The following WDFY3 variants were observed in gnomAD, a reference collection of about 807,000 sequenced individuals.
WDFY3 encodes WD repeat and FYVE domain containing 3, also known as WD repeat and FYVE domain-containing protein 3.
Under a neutral mutation model 409.6 loss-of-function variants are expected in WDFY3, and 66 were observed. That is an observed-to-expected ratio of 0.16 (90% confidence interval 0.13 to 0.20). WDFY3 has a LOEUF of 0.20. Ranked by LOEUF, WDFY3 falls within the 10% of genes least tolerant of loss-of-function variation. WDFY3 has a pLI of 1.00. For synonymous variants in WDFY3, 1,521 were observed against 1,537.1 expected, an observed-to-expected ratio of 0.99 and a Z score of 0.25; for missense variants, 3,031 against 4,298.1, an observed-to-expected ratio of 0.71 and a Z score of 8.24.
intron 14 of WDFY3, chr4:84,809,562 C>A: frequency 4.6e-6 from 1 of 218,116 alleles, no homozygotes; most frequent in Non-Finnish European, 9.0e-6. Context: ...TCAATAAGTC[C>A]AGATGCACCT....
At chr4:84,924,956 GAAAAACCTCATACCTACA>G (rs1479661191) in intron 2 of WDFY3, among the ~76,000 whole-genome samples, 1 of 152,116 alleles carries the variant, frequency 6.6e-6, no homozygotes, top group African/African-American at 2.4e-5. Flanking sequence ...ATACTTCCAT[GAAAAACCTCATACCTACA>G]AAAGGTTTAA....
chr4:84,801,953 T>G, intron 16 of WDFY3, 89 bp from the exon 17 acceptor site: 1 of 1,314,678 alleles, frequency 7.6e-7, no homozygotes, highest in Non-Finnish European at 1.0e-6. Flanking sequence ...CTTTTTAATT[T>G]TTTTTTTTTT....
chr4:84,818,713 ATTAT>A (rs1560838700), intron 12 of WDFY3, among the ~76,000 whole-genome samples: 1 of 152,150 alleles, frequency 6.6e-6, no homozygotes, highest in Non-Finnish European at 1.5e-5. Context: ...AATGGCTAAT[ATTAT>A]TTAAATACTT....
intron 48 of WDFY3, 103 bp from the exon 49 acceptor site, chr4:84,717,119 A>C: frequency 8.1e-7 from 1 of 1,228,644 alleles, no homozygotes; most frequent in Non-Finnish European, 1.1e-6. Context: ...AGGATGGAGG[A>C]GTAATATATA....
intron 32 of WDFY3, among the ~76,000 whole-genome samples, chr4:84,760,044 T>C (rs1365386238): frequency 2.6e-5 from 4 of 151,910 alleles, no homozygotes; most frequent in African/African-American, 9.7e-5. Context: ...AGGCTTTTTC[T>C]GCATCTATTG....
Position 84,688,502 on chromosome 4 carries a change from T to G in WDFY3, c.9364-237A>C, listed in dbSNP as rs562509954. On this transcript the variant is annotated intron_variant, in intron 61 of 67. Coordinates refer to ENST00000295888, the MANE Select transcript of WDFY3 (RefSeq NM_014991.6). ...CTGGAGCACTCTGGAGGCTCTTTACTTTCACATTAGTTCTTTCCTGGAGTT... is the reference window on the plus strand; with the variant it reads ...CTGGAGCACTCTGGAGGCTCTTTACGTTCACATTAGTTCTTTCCTGGAGTT... Among the ~76,000 whole-genome samples the G allele has an allele frequency of 1.3e-4, 20 of 152,274 alleles. No individual in the cohort carries two copies. The East Asian group carries it at 3.9e-3, about 29-fold the overall frequency.
chr4:84,698,680 A>G (rs1333266380), intron 56 of WDFY3, among the ~76,000 whole-genome samples: 1 of 151,860 alleles, frequency 6.6e-6, no homozygotes, highest in Non-Finnish European at 1.5e-5. Flanking sequence ...AAAAAAATCC[A>G]AGTGCTTTTT....
At chr4:84,692,426 C>T (rs1407261307) in intron 59 of WDFY3, among the ~76,000 whole-genome samples, 1 of 151,570 alleles carries the variant, frequency 6.6e-6, no homozygotes, top group South Asian at 2.1e-4. Flanking sequence ...GGGGAAAAAA[C>T]CTACTTGAAA....
intron 8 of WDFY3, among the ~76,000 whole-genome samples, chr4:84,829,552 C>T (rs1755360141): frequency 6.6e-6 from 1 of 151,974 alleles, no homozygotes; most frequent in South Asian, 2.1e-4. Flanking sequence ...AAACTATCTT[C>T]TAAGTTTAAG....
chr4:84,911,002 G>A (rs920748623), intron 2 of WDFY3, among the ~76,000 whole-genome samples: 3 of 151,926 alleles, frequency 2.0e-5, no homozygotes, highest in African/African-American at 4.8e-5. Flanking sequence ...TTAGAGGCAT[G>A]AGCCACCATG....
rs1019355526 is a variant in WDFY3, at chr4:84,671,700, C to T, written c.*1168G>A. The T allele has an allele frequency of 2.0e-5, 3 of 152,420 alleles. No individual in the cohort carries two copies. Among genetic ancestry groups the T allele is most frequent in the Non-Finnish European group, 4.4e-5 (3 of 67,994 alleles). The allele number at this position is 152,420 out of a possible 1,614,324, so 9.4% of individuals were successfully genotyped here. On this transcript the variant is annotated 3_prime_UTR_variant, in exon 68 of 68. Coordinates refer to ENST00000295888, the MANE Select transcript of WDFY3 (RefSeq NM_014991.6). The stretch of plus-strand genomic sequence containing the variant: ...AAAAACAAAAAAATAGACATTGATA[C>T]AGTATAAATCTCACTGTTTTCAGGT...
At chr4:84,859,329 G>A (rs552358087) in intron 4 of WDFY3, among the ~76,000 whole-genome samples, 1 of 152,008 alleles carries the variant, frequency 6.6e-6, no homozygotes, top group African/African-American at 2.4e-5. Context: ...GTATGAATGA[G>A]TGTATGTATG....
At chr4:84,947,861 A>G (rs1773100614) in intron 1 of WDFY3, among the ~76,000 whole-genome samples, 1 of 152,012 alleles carries the variant, frequency 6.6e-6, no homozygotes, top group African/African-American at 2.4e-5. Flanking sequence ...ACTCCAGCCT[A>G]GATGAAAGAG....
At chr4:84,878,357 G>A (rs1763058181) in intron 3 of WDFY3, among the ~76,000 whole-genome samples, 1 of 152,100 alleles carries the variant, frequency 6.6e-6, no homozygotes, top group South Asian at 2.1e-4. Context: ...AGACCTAAAA[G>A]TGATCAAAGG....
rs570579850 is a variant in WDFY3 at position 84,788,566 on chromosome 4, AC to A, written c.3670-854del. On this transcript the variant is annotated intron_variant, in intron 22 of 67. Transcript: ENST00000295888. ...AATCATGTATACAAACAAATCAATG[AC>A]TATTCCACAAGGTGCATTTTAGGGT... 1.6e-4 allele frequency among the ~76,000 whole-genome samples: 24 copies of A among 152,334 alleles called. No individual in the cohort carries two copies. The East Asian group carries it at 3.9e-3, about 24-fold the overall frequency.
chr4:84,790,895 G>A (rs1319029258), intron 21 of WDFY3, among the ~76,000 whole-genome samples: 1 of 151,716 alleles, frequency 6.6e-6, no homozygotes, highest in Non-Finnish European at 1.5e-5. Flanking sequence ...CAAACCATAA[G>A]CACAATGGCA....
At chr4:84,759,162 T>G (rs954399879) in intron 32 of WDFY3, among the ~76,000 whole-genome samples, 6 of 152,198 alleles carry the variant, frequency 3.9e-5, no homozygotes, top group Admixed American at 3.3e-4. Flanking sequence ...CATTGATCTA[T>G]ATCTCTGTTT....
intron 4 of WDFY3, among the ~76,000 whole-genome samples, chr4:84,859,475 C>CA (rs1434065658): frequency 4.6e-5 from 7 of 152,132 alleles, no homozygotes; most frequent in Non-Finnish European, 1.0e-4. Context: ...ATGGCGGCAG[C>CA]AATTAGTGGT....
At chr4:84,835,154 C>T (rs900479833) in intron 7 of WDFY3, among the ~76,000 whole-genome samples, 1 of 152,190 alleles carries the variant, frequency 6.6e-6, no homozygotes, top group African/African-American at 2.4e-5. Context: ...CGAAAGTCAG[C>T]ACCTGGTTTT....
Sources: allele counts gnomAD v4.1 joint callset (sites outside exome capture counted in the v4.1 genomes callset), GRCh38; gene constraint gnomAD v4.1.1; transcripts MANE v1.5; gene names NCBI Gene and HGNC (gene_info 2026-07-23, HGNC 2026-07-21).